Variants in SLC39A11 observed in about 807,000 individuals in gnomAD.
The protein encoded by SLC39A11 is solute carrier family 39 member 11, also known as zinc transporter ZIP11.
SLC39A11 carries 33 observed loss-of-function variants against 36.1 expected under a neutral mutation model. The ratio of observed to expected loss-of-function variants is 0.91; its 90% CI spans 0.69 to 1.22. SLC39A11 has a LOEUF of 1.22. Ranked by LOEUF, SLC39A11 falls within the 50% of genes most tolerant of loss-of-function variation. SLC39A11 has a pLI of 0.00. For missense variants in SLC39A11, 432 were observed against 430.3 expected (o/e 1.00, Z -0.03); for synonymous variants, 166 against 170.3 (o/e 0.97, Z 0.20).
At chr17:72,941,219 G>C (rs2085079294) in intron 5 of SLC39A11, among the ~76,000 whole-genome samples, 1 of 152,220 alleles carries the variant, frequency 6.6e-6, no homozygotes, top group African/African-American at 2.4e-5. Context: ...GCTACAGTGA[G>C]CCATGATCGC....
intron 6 of SLC39A11, among the ~76,000 whole-genome samples, chr17:72,841,333 G>A (rs2078798062): frequency 6.6e-6 from 1 of 152,068 alleles, no homozygotes; most frequent in Non-Finnish European, 1.5e-5. Context: ...AAGAAAATAT[G>A]GTACATACAC....
chr17:72,692,253 C>T (rs1429081303), intron 7 of SLC39A11, among the ~76,000 whole-genome samples: 1 of 152,160 alleles, frequency 6.6e-6, no homozygotes, highest in Non-Finnish European at 1.5e-5. Flanking sequence ...CCTTGCGAAC[C>T]ACCCGCCTCG....
At chr17:72,918,375 C>T (rs1171198373) in intron 5 of SLC39A11, among the ~76,000 whole-genome samples, 1 of 152,162 alleles carries the variant, frequency 6.6e-6, no homozygotes. Flanking sequence ...CACCATTGCA[C>T]TCCAGCCTGG....
intron 7 of SLC39A11, among the ~76,000 whole-genome samples, chr17:72,731,020 A>G (rs8065279): frequency 0.41 from 61,840 of 152,008 alleles, 13,711 homozygotes; most frequent in African/African-American, 0.57. Flanking sequence ...CCAGTGCTGG[A>G]ATTGCAGGTG....
rs552840754 is a variant in SLC39A11 at position 72,755,506 on chromosome 17, C to T, written c.602-18787G>A. Among the ~76,000 whole-genome samples, 6 of 152,286 alleles carry T rather than the reference C, an allele frequency of 3.9e-5. No homozygotes were observed. The South Asian group carries it at 1.0e-3, about 26-fold the overall frequency. On this transcript the variant is annotated intron_variant, in intron 6 of 9. Coordinates refer to ENST00000255559, the MANE Select transcript of SLC39A11 (RefSeq NM_139177.4). Reference sequence around the variant, plus strand: ...ACACCGGCAACAGGTCAATAACAGCCGACAATCAAGGTACCATCCAGCAAG... The same window carrying T: ...ACACCGGCAACAGGTCAATAACAGCTGACAATCAAGGTACCATCCAGCAAG...
chr17:73,090,129 G>A (rs2060877113), intron 1 of SLC39A11, among the ~76,000 whole-genome samples: 1 of 152,198 alleles, frequency 6.6e-6, no homozygotes, highest in South Asian at 2.1e-4. Context: ...GCAGCCCTGA[G>A]CCTGCAGATC....
chr17:73,062,475 A>AAAAAAAAAAAAAACAAC (rs56021607), intron 3 of SLC39A11, among the ~76,000 whole-genome samples: 1 of 87,034 alleles, frequency 1.1e-5, no homozygotes, highest in East Asian at 4.0e-4. Context: ...AAAAAAAAAA[A>AAAAAAAAAAAAAACAAC]AAACTTTAGG....
chr17:73,021,954 T>C (rs968434084), intron 4 of SLC39A11, among the ~76,000 whole-genome samples: 5 of 152,242 alleles, frequency 3.3e-5, no homozygotes, highest in African/African-American at 9.6e-5. Context: ...CGTGTGTGTG[T>C]GCGCGCGTGT....
intron 4 of SLC39A11, among the ~76,000 whole-genome samples, chr17:73,014,312 T>G (rs1218484737): frequency 6.6e-6 from 1 of 152,064 alleles, no homozygotes; most frequent in African/African-American, 2.4e-5. Context: ...CCTATCCCGG[T>G]GCAATTAACC....
chr17:72,746,084 T>G (rs2074923302), intron 6 of SLC39A11, among the ~76,000 whole-genome samples: 2 of 151,998 alleles, frequency 1.3e-5, no homozygotes, highest in South Asian at 2.1e-4. Context: ...TGAAGGAAGG[T>G]CAAGGGTGTC....
chr17:72,960,190 T>C (rs1343667693), intron 4 of SLC39A11, among the ~76,000 whole-genome samples: 1 of 152,192 alleles, frequency 6.6e-6, no homozygotes, highest in Non-Finnish European at 1.5e-5. Context: ...AGCATGGTCA[T>C]ATTTATCCAG....
At chr17:72,963,351 T>C (rs2086759775) in intron 4 of SLC39A11, among the ~76,000 whole-genome samples, 1 of 151,884 alleles carries the variant, frequency 6.6e-6, no homozygotes. Context: ...TTTGTATTTT[T>C]AGTAGAGACG....
At position 72,849,765 on chromosome 17, in the gene SLC39A11, G is replaced by A. The variant is rs143231715; in HGVS notation, c.470C>T (p.Ala157Val). The change falls in exon 6 of 10, where the codon GCG becomes GTG. Residue 157 changes from alanine to valine, a missense_variant. Coordinates refer to ENST00000255559, the MANE Select transcript of SLC39A11 (RefSeq NM_139177.4). Reference sequence around the variant, plus strand: ...ACCCTCTGGAAGGCCAGTGGCTGCCGCCTTCTTTCTCTGATATGCCTCACC... The same window carrying A: ...ACCCTCTGGAAGGCCAGTGGCTGCCACCTTCTTTCTCTGATATGCCTCACC... ...ENGEAYQRKK[A>V]AATGLPEGPA... 112 of 1,594,560 alleles carry A rather than the reference G, an allele frequency of 7.0e-5. No individual in the cohort carries two copies. The Middle Eastern group carries it at 2.6e-3, about 38-fold the overall frequency.
chr17:72,733,055 T>C (rs1186735706), intron 7 of SLC39A11, among the ~76,000 whole-genome samples: 1 of 152,178 alleles, frequency 6.6e-6, no homozygotes, highest in African/African-American at 2.4e-5. Context: ...CTACAAGCCC[T>C]GGTCTTTAGG....
intron 4 of SLC39A11, among the ~76,000 whole-genome samples, chr17:72,972,954 G>C (rs916260629): frequency 2.0e-5 from 3 of 151,858 alleles, no homozygotes; most frequent in African/African-American, 7.3e-5. Flanking sequence ...GAAGGAAAAG[G>C]ATGCTGTGGG....
intron 3 of SLC39A11, among the ~76,000 whole-genome samples, chr17:73,083,426 C>G (rs980712430): frequency 6.6e-6 from 1 of 152,192 alleles, no homozygotes; most frequent in African/African-American, 2.4e-5. Context: ...GCTAGTTTTT[C>G]CAGATCGCAG....
intron 5 of SLC39A11, among the ~76,000 whole-genome samples, chr17:72,897,735 A>G (rs1462678081): frequency 6.6e-6 from 1 of 152,188 alleles, no homozygotes; most frequent in African/African-American, 2.4e-5. Context: ...GCTAACCTGC[A>G]TGCCTGTGCC....
chr17:72,830,208 G>C (rs1273901411), intron 6 of SLC39A11, among the ~76,000 whole-genome samples: 3 of 152,184 alleles, frequency 2.0e-5, no homozygotes, highest in Non-Finnish European at 4.4e-5. Flanking sequence ...CTGGGAAGGA[G>C]CATTTCAAGT....
chr17:72,809,455 G>A (rs1225090546), intron 6 of SLC39A11, among the ~76,000 whole-genome samples: 2 of 152,050 alleles, frequency 1.3e-5, no homozygotes, highest in South Asian at 2.1e-4. Context: ...TCAGGATCTC[G>A]ACACTTCCTA....
Sources: gnomAD v4.1 joint callset for allele counts (sites outside exome capture counted in the v4.1 genomes callset) on GRCh38, gnomAD v4.1.1 for gene constraint, MANE v1.5 for transcripts, NCBI Gene and HGNC (gene_info 2026-07-23, HGNC 2026-07-21) for gene names.